ST6GALNAC3: variants seen among roughly 807,000 people sequenced by gnomAD.
The protein encoded by ST6GALNAC3 is ST6 N-acetylgalactosaminide alpha-2,6-sialyltransferase 3, also known as alpha-N-acetylgalactosaminide alpha-2,6-sialyltransferase 3.
Under a neutral mutation model 32.7 loss-of-function variants are expected in ST6GALNAC3, and 25 were observed. The ratio of observed to expected loss-of-function variants is 0.76; its 90% CI spans 0.56 to 1.07. The LOEUF is 1.07. Ranked by LOEUF, ST6GALNAC3 falls within the 50% of genes least tolerant of loss-of-function variation. ST6GALNAC3 has a pLI of 0.00. For missense variants in ST6GALNAC3, 355 were observed against 382.4 expected, an observed-to-expected ratio of 0.93 and a Z score of 0.60; for synonymous variants, 129 against 133.1, an observed-to-expected ratio of 0.97 and a Z score of 0.21.
chr1:76,529,076 A>G (rs1663093492), intron 3 of ST6GALNAC3, among the ~76,000 whole-genome samples: 1 of 152,012 alleles, frequency 6.6e-6, no homozygotes, highest in African/African-American at 2.4e-5. Flanking sequence ...GTTGAAGATG[A>G]AGATGAAGGC....
intron 2 of ST6GALNAC3, among the ~76,000 whole-genome samples, chr1:76,361,871 G>A (rs1270522381): frequency 6.6e-6 from 1 of 151,934 alleles, no homozygotes; most frequent in South Asian, 2.1e-4. Flanking sequence ...CCAGCTACTC[G>A]GGAGGCTGAA....
At chr1:76,312,332 C>T (rs192374878) in intron 1 of ST6GALNAC3, among the ~76,000 whole-genome samples, 10 of 152,158 alleles carry the variant, frequency 6.6e-5, no homozygotes, top group African/African-American at 2.2e-4. Flanking sequence ...TAGAAGAAAA[C>T]CTAGGCAGTA....
intron 3 of ST6GALNAC3, among the ~76,000 whole-genome samples, chr1:76,425,346 A>G (rs902305834): frequency 1.3e-5 from 2 of 152,026 alleles, no homozygotes; most frequent in African/African-American, 4.8e-5. Context: ...CTCATAAAAG[A>G]GAAAACATCC....
chr1:76,534,850 T>C (rs1311534432), intron 3 of ST6GALNAC3, among the ~76,000 whole-genome samples: 1 of 152,194 alleles, frequency 6.6e-6, no homozygotes, highest in African/African-American at 2.4e-5. Flanking sequence ...GAAAGGGTTA[T>C]GGAATAATAG....
chr1:76,256,202 T>A (rs1657911219), intron 1 of ST6GALNAC3, among the ~76,000 whole-genome samples: 1 of 152,194 alleles, frequency 6.6e-6, no homozygotes, highest in Non-Finnish European at 1.5e-5. Flanking sequence ...AGTGCTAAAT[T>A]ATCTTAATAA....
At chr1:76,174,099 A>G (rs1430232202) in intron 1 of ST6GALNAC3, among the ~76,000 whole-genome samples, 4 of 152,258 alleles carry the variant, frequency 2.6e-5, no homozygotes, top group African/African-American at 9.6e-5. Flanking sequence ...ATGCCCGTCA[A>G]TGATAGAATG....
intron 1 of ST6GALNAC3, among the ~76,000 whole-genome samples, chr1:76,112,512 G>C (rs534806398): frequency 3.3e-5 from 5 of 151,488 alleles, no homozygotes; most frequent in Admixed American, 2.6e-4. Flanking sequence ...CTGGCCGGGC[G>C]GGGTATTGAC....
At chr1:76,197,555 G>C (rs1190807424) in intron 1 of ST6GALNAC3, among the ~76,000 whole-genome samples, 1 of 152,142 alleles carries the variant, frequency 6.6e-6, no homozygotes, top group African/African-American at 2.4e-5. Context: ...GAATTCGTTA[G>C]GTAAAGAAAG....
intron 2 of ST6GALNAC3, among the ~76,000 whole-genome samples, chr1:76,349,933 G>T (rs1648832368): frequency 6.6e-6 from 1 of 152,120 alleles, no homozygotes; most frequent in African/African-American, 2.4e-5. Flanking sequence ...CATTGTCAAG[G>T]TTGCTAGTGT....
intron 3 of ST6GALNAC3, among the ~76,000 whole-genome samples, chr1:76,624,981 C>T (rs1570477247): frequency 6.6e-6 from 1 of 152,038 alleles, no homozygotes; most frequent in East Asian, 1.9e-4. Flanking sequence ...TAATTACAGA[C>T]TGTTGAGGGT....
chr1:76,551,263 C>G (rs1664611000), intron 3 of ST6GALNAC3, among the ~76,000 whole-genome samples: 1 of 152,162 alleles, frequency 6.6e-6, no homozygotes, highest in Non-Finnish European at 1.5e-5. Context: ...TATAGTGCTT[C>G]ATGACAAAGT....
intron 3 of ST6GALNAC3, among the ~76,000 whole-genome samples, chr1:76,426,523 C>T (rs1168404480): frequency 6.6e-6 from 1 of 150,986 alleles, no homozygotes; most frequent in Non-Finnish European, 1.5e-5. Flanking sequence ...GCCTGAAAGA[C>T]CTGCCTGCAG....
intron 1 of ST6GALNAC3, among the ~76,000 whole-genome samples, chr1:76,294,401 G>A (rs1401432107): frequency 2.0e-5 from 3 of 151,708 alleles, no homozygotes; most frequent in Non-Finnish European, 2.9e-5. Context: ...TATCAGAATT[G>A]TTTGTAGGGA....
At chr1:76,266,911 A>G (rs1658560187) in intron 1 of ST6GALNAC3, among the ~76,000 whole-genome samples, 1 of 152,084 alleles carries the variant, frequency 6.6e-6, no homozygotes, top group African/African-American at 2.4e-5. Flanking sequence ...CCAGAGAAAT[A>G]TTTTCTTTGG....
At chr1:76,311,600 G>A (rs938429811) in intron 1 of ST6GALNAC3, among the ~76,000 whole-genome samples, 2 of 152,086 alleles carry the variant, frequency 1.3e-5, no homozygotes, top group Admixed American at 6.6e-5. Flanking sequence ...TCCCTGCAAA[G>A]GACATGAACT....
At chr1:76,433,130 C>T (rs1046862274) in intron 3 of ST6GALNAC3, among the ~76,000 whole-genome samples, 2 of 152,012 alleles carry the variant, frequency 1.3e-5, no homozygotes, top group East Asian at 1.9e-4. Context: ...TTAGTGCCAT[C>T]GTTTTTTGAG....
intron 3 of ST6GALNAC3, among the ~76,000 whole-genome samples, chr1:76,432,449 T>TA (rs893796818): frequency 1.6e-5 from 2 of 126,620 alleles, no homozygotes; most frequent in African/African-American, 5.9e-5. Context: ...TTGCCTTTTT[T>TA]TTTTTTTTTT....
intron 3 of ST6GALNAC3, among the ~76,000 whole-genome samples, chr1:76,622,355 A>G (rs1216891892): frequency 6.6e-6 from 1 of 151,974 alleles, no homozygotes; most frequent in Non-Finnish European, 1.5e-5. Flanking sequence ...AAAAAGTAAG[A>G]TAATGGGTTT....
chr1:76,189,816 T>A (rs1392026961), intron 1 of ST6GALNAC3, among the ~76,000 whole-genome samples: 1 of 151,790 alleles, frequency 6.6e-6, no homozygotes, highest in Non-Finnish European at 1.5e-5. Flanking sequence ...TGGTGAAGGG[T>A]CTTATAGTCC....
Sources: allele counts gnomAD v4.1 joint callset (sites outside exome capture counted in the v4.1 genomes callset), GRCh38; gene constraint gnomAD v4.1.1; transcripts MANE v1.5; gene names NCBI Gene and HGNC (gene_info 2026-07-23, HGNC 2026-07-21).